The following TOB2 variants were observed in gnomAD, a reference collection of about 807,000 sequenced individuals.
TOB2 encodes protein Tob2.
TOB2 carries 3 observed loss-of-function variants against 17.3 expected under a neutral mutation model. The observed-to-expected ratio is 0.17, with a 90% confidence interval of 0.08 to 0.45. The LOEUF is 0.45. Among genes scored for constraint, TOB2 ranks in the 20% least tolerant of loss-of-function variants. TOB2 has a pLI of 0.99. For synonymous variants in TOB2, 163 were observed against 185.6 expected, an observed-to-expected ratio of 0.88 and a Z score of 0.99; for missense variants, 407 against 445.7, an observed-to-expected ratio of 0.91 and a Z score of 0.78.
intron 1 of TOB2, among the ~76,000 whole-genome samples, chr22:41,439,967 G>A (rs991973054): frequency 6.6e-5 from 10 of 152,180 alleles, no homozygotes; most frequent in Middle Eastern, 3.4e-3. Context: ...AGGTCACATG[G>A]GAGTCAGCAG....
intron 1 of TOB2, among the ~76,000 whole-genome samples, chr22:41,443,177 G>T (rs1569271138): frequency 6.6e-6 from 1 of 152,064 alleles, no homozygotes; most frequent in Non-Finnish European, 1.5e-5. Context: ...GACGACGGGG[G>T]AAGAAGTGGG....
rs549065180 is a variant in TOB2, at chr22:41,444,895, A to G, written c.-63+1484T>C. Among the ~76,000 whole-genome samples, 117 of 152,286 alleles carry G rather than the reference A, an allele frequency of 7.7e-4. 1 individual carries two copies. The highest frequency in any genetic ancestry group is 3.4e-3 in the Middle Eastern group (1 of 294). On this transcript the variant is annotated intron_variant, in intron 1 of 1. Coordinates refer to ENST00000327492, the MANE Select transcript of TOB2 (RefSeq NM_016272.4). ...GTCACGACCCCCTTCCCCCCACCCA[A>G]TCTGAATTCCAGGGCCTGGGCGGTC...
intron 1 of TOB2, among the ~76,000 whole-genome samples, chr22:41,442,138 A>T (rs1017763974): frequency 8.5e-5 from 13 of 152,094 alleles, no homozygotes; most frequent in Admixed American, 4.6e-4. Context: ...GAAAGTTGAT[A>T]CTGGTTCCCT....
rs1285389841 is a variant in TOB2, at chr22:41,436,786, C to T, written c.560G>A (p.Gly187Asp). 6.2e-7 allele frequency: 1 copy of T among 1,613,850 alleles called. No homozygotes were observed. Among genetic ancestry groups the T allele is most frequent in the Non-Finnish European group, 8.5e-7 (1 of 1,179,934 alleles). ...GCCCCCCTTCTTCATCTTAGTGGAGCCAAATTTGGTGGCAGCGAAGGAGGC... is the reference window on the plus strand; with the variant it reads ...GCCCCCCTTCTTCATCTTAGTGGAGTCAAATTTGGTGGCAGCGAAGGAGGC... ...TTASFAATKF[G>D]STKMKKGGGA... The change falls in exon 2 of 2, where the codon GGC becomes GAC. Residue 187 changes from glycine (G) to aspartate (D), a missense_variant. By Grantham distance (94) the Gly-to-Asp change is moderately conservative (BLOSUM62 -1). Coordinates refer to ENST00000327492, the MANE Select transcript of TOB2 (RefSeq NM_016272.4). This position sits in a 1 kb window ranked among gnomAD's most constrained non-coding sequence, Gnocchi z 4.8.
At chr22:41,439,681 A>C (rs933416448) in intron 1 of TOB2, among the ~76,000 whole-genome samples, 5 of 151,920 alleles carry the variant, frequency 3.3e-5, no homozygotes, top group African/African-American at 1.2e-4. Flanking sequence ...ACGCCTGGCT[A>C]GTTTTTGTAT....
chr22:41,436,171 T>C lies in TOB2; in HGVS notation c.*140A>G. On this transcript the variant is annotated 3_prime_UTR_variant, in exon 2 of 2. Transcript: ENST00000327492. This position sits in a 1 kb window ranked among gnomAD's most constrained non-coding sequence, Gnocchi z 4.8. ...TTGCAGGGCCCTCCCATTCCGTGCC[T>C]GGGCTGGATCTTTTTTCTAGAAGTA... 5.8e-6 allele frequency: 7 copies of C among 1,211,258 alleles called. No homozygotes were observed. The highest frequency in any genetic ancestry group is 4.4e-6 in the Non-Finnish European group (4 of 908,824). The allele number at this position is 1,211,258 out of a possible 1,614,324, so 75.0% of individuals were successfully genotyped here.
intron 1 of TOB2, among the ~76,000 whole-genome samples, chr22:41,444,597 G>C (rs2037660801): frequency 6.6e-6 from 1 of 152,262 alleles, no homozygotes; most frequent in South Asian, 2.1e-4. Context: ...CCGGTAAGGG[G>C]AGCCGACCGA....
Position 41,437,102 on chromosome 22 carries a change from C to T in TOB2, c.244G>A (p.Val82Met). 9 of 1,614,164 alleles carry T rather than the reference C, an allele frequency of 5.6e-6. No homozygotes were observed. Among genetic ancestry groups the T allele is most frequent in the South Asian group, 1.1e-5 (1 of 91,084 alleles). The change falls in exon 2 of 2, where the codon GTG becomes ATG. Residue 82 changes from valine to methionine, a missense_variant. Physicochemically the swap from Val to Met is conservative, Grantham distance 21 (BLOSUM62 1). Transcript: ENST00000327492. ...AGCTCCTCAGGCACATTGGCCCGCA[C>T]ATCTTCCACCGCCAGGCCACTCCGC... is the stretch of plus-strand genomic sequence containing the variant. ...AKRSGLAVED[V>M]RANVPEELSV... is the part of the protein sequence containing the mutation.
intron 1 of TOB2, among the ~76,000 whole-genome samples, chr22:41,439,144 G>A (rs563170992): frequency 2.0e-5 from 3 of 152,140 alleles, no homozygotes; most frequent in Non-Finnish European, 4.4e-5. Flanking sequence ...GCAGCTCCGG[G>A]GCTCATGCTG....
rs1486284058 is a variant in TOB2 at position 41,434,621 on chromosome 22, T to C, written c.*1690A>G. 6.5e-6 allele frequency: 1 copy of C among 152,672 alleles called. No homozygotes were observed. The highest frequency in any genetic ancestry group is 1.5e-5 in the Non-Finnish European group (1 of 68,108). The allele number at this position is 152,672 out of a possible 1,614,324, so 9.5% of individuals were successfully genotyped here. ...TGGGCTGGACCCACTGCCATAACAG[T>C]TGCCTACTTGGGGTCCCTGGGTAGG... is the stretch of plus-strand genomic sequence containing the variant. On this transcript the variant is annotated 3_prime_UTR_variant, in exon 2 of 2. Transcript: ENST00000327492.
At chr22:41,445,429 A>C (rs1156969207) in intron 1 of TOB2, among the ~76,000 whole-genome samples, 3 of 152,214 alleles carry the variant, frequency 2.0e-5, no homozygotes, top group Non-Finnish European at 4.4e-5. Context: ...TTTCTGCCGG[A>C]AAATCAGAGA....
intron 1 of TOB2, among the ~76,000 whole-genome samples, chr22:41,442,466 G>C (rs900269469): frequency 1.3e-5 from 2 of 152,202 alleles, no homozygotes; most frequent in African/African-American, 4.8e-5. Context: ...GCCCTGCCTA[G>C]CTAACCATTT....
Position 41,436,397 on chromosome 22 carries a change from T to C in TOB2, c.949A>G (p.Thr317Ala). Residue 317 changes from threonine (T) to alanine (A), a missense_variant, in exon 2 of 2, where the codon ACA becomes GCA. By Grantham distance (58) the Thr-to-Ala change is moderately conservative. Coordinates refer to ENST00000327492, the MANE Select transcript of TOB2 (RefSeq NM_016272.4). This position sits in a 1 kb window ranked among gnomAD's most constrained non-coding sequence, Gnocchi z 4.8. ...TAGCTGAGGCCTTCCACAAAGGGTG[T>C]CTTCTCCAGGAAGAGGCTGTTGGCA... ...GGANSLFLEK[T>A]PFVEGLSYNL... 1.2e-6 allele frequency: 2 copies of C among 1,614,090 alleles called. No individual in the cohort carries two copies. The highest frequency in any genetic ancestry group is 1.7e-6 in the Non-Finnish European group (2 of 1,179,960).
chr22:41,439,489 ATGTATGTATG>A (rs2037590457), intron 1 of TOB2, among the ~76,000 whole-genome samples: 1 of 26,892 alleles, frequency 3.7e-5, no homozygotes, highest in Non-Finnish European at 7.9e-5. Flanking sequence ...TTACGTATGT[ATGTATGTATG>A]TATGTATGTA....
intron 1 of TOB2, among the ~76,000 whole-genome samples, chr22:41,437,657 G>A (rs901591617): frequency 6.6e-6 from 1 of 152,094 alleles, no homozygotes; most frequent in Non-Finnish European, 1.5e-5. Context: ...AATTGATAAA[G>A]TTAGCTACTA....
intron 1 of TOB2, among the ~76,000 whole-genome samples, chr22:41,444,800 T>G (rs1247406941): frequency 1.3e-5 from 2 of 152,182 alleles, no homozygotes; most frequent in Non-Finnish European, 2.9e-5. Flanking sequence ...CGCCTCCCAT[T>G]ACTGATGAAA....
intron 1 of TOB2, among the ~76,000 whole-genome samples, chr22:41,444,848 G>A (rs1294655747): frequency 3.9e-5 from 6 of 152,150 alleles, no homozygotes. Context: ...CTGGGTGAAG[G>A]GGGTGGGCTG....
chr22:41,438,574 G>A (rs1168212253), intron 1 of TOB2, among the ~76,000 whole-genome samples: 1 of 130,884 alleles, frequency 7.6e-6, no homozygotes, highest in East Asian at 2.5e-4. Flanking sequence ...AGGTTGTGGT[G>A]AGCCGAGATC....
chr22:41,443,710 G>A (rs169365), intron 1 of TOB2, among the ~76,000 whole-genome samples: 114,550 of 141,284 alleles, frequency 0.81, 47,226 homozygotes, highest in African/African-American at 0.94. Context: ...CGCAACCTCC[G>A]CCTCCCAGGT....
Sources: gnomAD v4.1 joint callset for allele counts (sites outside exome capture counted in the v4.1 genomes callset) on GRCh38, gnomAD v4.1.1 for gene constraint, Gnocchi (gnomAD v3.1) non-coding constraint, MANE v1.5 for transcripts, NCBI Gene and HGNC (gene_info 2026-07-23, HGNC 2026-07-21) for gene names.